The following SFTPD variants were observed in gnomAD, a reference collection of about 807,000 sequenced individuals.
SFTPD encodes surfactant protein D, also known as pulmonary surfactant-associated protein D.
SFTPD carries 18 observed loss-of-function variants against 34.6 expected under a neutral mutation model. That is an observed-to-expected ratio of 0.52 (90% CI 0.36 to 0.77). The LOEUF is 0.77. Ranked by LOEUF, SFTPD falls within the 30% of genes least tolerant of loss-of-function variation. SFTPD has a pLI of 0.00. For missense variants in SFTPD, 433 were observed against 468.9 expected, an observed-to-expected ratio of 0.92 and a Z score of 0.71; for synonymous variants, 155 against 180.9, an observed-to-expected ratio of 0.86 and a Z score of 1.15.
In SFTPD at chr10:79,982,152, G is replaced by A. The variant is rs528965823; in HGVS notation, c.36+423C>T. On this transcript the variant is annotated intron_variant, in intron 1 of 5. Coordinates refer to the SFTPD transcript ENST00000444384. ...TCCTGGCTCTCCGGGCGCGCCTGGC[G>A]GGGCAGGGCGGACATGGGCACCAAG... 7.3e-5 allele frequency: 28 copies of A among 382,154 alleles called. No homozygotes were observed. The Admixed American group carries it at 1.2e-3, about 16-fold the overall frequency. The allele number at this position is 382,154 out of a possible 1,614,324, so 23.7% of individuals were successfully genotyped here.
intron 1 of SFTPD, among the ~76,000 whole-genome samples, chr10:79,978,200 G>C (rs1842872855): frequency 6.6e-6 from 1 of 152,090 alleles, no homozygotes; most frequent in Non-Finnish European, 1.5e-5. Context: ...CTAACATAGG[G>C]GTGCAAGGAT....
chr10:79,980,128 C>T (rs1040115517), intron 1 of SFTPD, among the ~76,000 whole-genome samples: 5 of 152,134 alleles, frequency 3.3e-5, no homozygotes, highest in African/African-American at 1.2e-4. Flanking sequence ...GGTAACCAGG[C>T]AGTAAGTACC....
chr10:79,957,998 G>A (rs918898592), intron 1 of SFTPD, among the ~76,000 whole-genome samples: 3 of 152,102 alleles, frequency 2.0e-5, no homozygotes, highest in South Asian at 2.1e-4. Context: ...CCAATATTCA[G>A]CATTCTTAAA....
intron 1 of SFTPD, 58 bp from the exon 2 acceptor site, chr10:79,946,720 G>T: frequency 6.6e-7 from 1 of 1,510,028 alleles, no homozygotes; most frequent in East Asian, 2.3e-5. Flanking sequence ...CATGGTTTAG[G>T]GCTTGGCTCA....
chr10:79,958,532 CA>C (rs1842753310), intron 1 of SFTPD, among the ~76,000 whole-genome samples: 1 of 152,102 alleles, frequency 6.6e-6, no homozygotes, highest in South Asian at 2.1e-4. Context: ...CAACAAAGAT[CA>C]AAAGAGACAA....
chr10:79,974,031 G>C (rs1002014976), intron 1 of SFTPD, among the ~76,000 whole-genome samples: 1 of 150,166 alleles, frequency 6.7e-6, no homozygotes, highest in Non-Finnish European at 1.5e-5. Flanking sequence ...CAGACAGACA[G>C]ACACACACCC....
chr10:79,966,489 T>C (rs1842803824), intron 1 of SFTPD, among the ~76,000 whole-genome samples: 2 of 122,430 alleles, frequency 1.6e-5, no homozygotes, highest in Admixed American at 1.6e-4. Context: ...ATTAGCCCTT[T>C]GTCAGATGAG....
intron 1 of SFTPD, among the ~76,000 whole-genome samples, chr10:79,974,075 C>T (rs962337741): frequency 2.0e-5 from 3 of 152,194 alleles, no homozygotes; most frequent in African/African-American, 7.2e-5. Context: ...ACAGATTCCC[C>T]TTAAATAAGC....
chr10:79,975,142 A>T (rs1842857697), intron 1 of SFTPD, among the ~76,000 whole-genome samples: 1 of 152,152 alleles, frequency 6.6e-6, no homozygotes, highest in Admixed American at 6.6e-5. Flanking sequence ...TAGAACTAAG[A>T]GCAGTCGCTC....
chr10:79,938,819 G>A (rs1842583329), intron 7 of SFTPD, among the ~76,000 whole-genome samples: 1 of 152,194 alleles, frequency 6.6e-6, no homozygotes, highest in Non-Finnish European at 1.5e-5. Context: ...TCTCTGCTCT[G>A]GGTCTGGCCT....
intron 1 of SFTPD, among the ~76,000 whole-genome samples, chr10:79,961,152 G>A (rs1331973694): frequency 6.6e-6 from 1 of 152,014 alleles, no homozygotes; most frequent in African/African-American, 2.4e-5. Flanking sequence ...AATTCAAGAT[G>A]GATTAAAGAC....
upstream of SFTPD, among the ~76,000 whole-genome samples, chr10:79,953,050 G>T (rs540947560): frequency 6.6e-5 from 10 of 152,282 alleles, no homozygotes; most frequent in South Asian, 1.0e-3. Flanking sequence ...GCTTTTTCCT[G>T]TGGGTTCCCC....
In SFTPD at chr10:79,937,892, C is replaced by A. The variant is rs1842571720; in HGVS notation, c.1088G>T (p.Arg363Met). The A allele has an allele frequency of 1.9e-6, 3 of 1,575,340 alleles. No individual in the cohort carries two copies. The highest frequency in any genetic ancestry group is 2.3e-5 in the South Asian group (2 of 85,602). Residue 363 changes from arginine to methionine, a missense_variant, in exon 8 of 8, where the codon AGG (arginine) becomes ATG (methionine). Coordinates refer to ENST00000372292, the MANE Select transcript of SFTPD (RefSeq NM_003019.5). ...CACAAGACGCTTTTCTCCACAAGCCCTGTCATTCCACTTGCCATTGGTGAA... is the reference window on the plus strand; with the variant it reads ...CACAAGACGCTTTTCTCCACAAGCCATGTCATTCCACTTGCCATTGGTGAA... ...EIFTNGKWNDRACGEKRLVVC... is the reference protein window; with the variant it reads ...EIFTNGKWNDMACGEKRLVVC...
At chr10:79,980,281 C>A (rs1353445161) in intron 1 of SFTPD, among the ~76,000 whole-genome samples, 1 of 152,006 alleles carries the variant, frequency 6.6e-6, no homozygotes, top group African/African-American at 2.4e-5. Context: ...AACTTGGGTA[C>A]CAGCTCAGTC....
chr10:79,963,640 C>A (rs1389731943), intron 1 of SFTPD, among the ~76,000 whole-genome samples: 1 of 152,132 alleles, frequency 6.6e-6, no homozygotes, highest in Non-Finnish European at 1.5e-5. Context: ...ATTTTCACTT[C>A]TCTAAAACAA....
At chr10:79,970,215 G>A (rs977189952) in intron 1 of SFTPD, 3 of 151,962 alleles carry the variant, frequency 2.0e-5, no homozygotes, top group Non-Finnish European at 4.4e-5. Context: ...TGGGTTCTCT[G>A]TTCTGTTCTG....
intron 1 of SFTPD, among the ~76,000 whole-genome samples, chr10:79,979,641 G>T (rs181387448): frequency 6.6e-6 from 1 of 152,330 alleles, no homozygotes; most frequent in Admixed American, 6.5e-5. Context: ...CATTCCAGGG[G>T]TCAGAATCTG....
At chr10:79,946,921 C>T (rs142448575) in intron 1 of SFTPD, among the ~76,000 whole-genome samples, 5 of 152,316 alleles carry the variant, frequency 3.3e-5, no homozygotes, top group Non-Finnish European at 7.3e-5. Context: ...CTCATGTCTT[C>T]CCTTCTTGTG....
Position 79,946,553 on chromosome 10 carries a change from G to A in SFTPD, c.107C>T (p.Thr36Ile), listed in dbSNP as rs767752149. ...CTCCACTGAGCTACACATGACCAGGGTGCAAGCACTGGGCATTGTTCTGTG... is the reference window on the plus strand; with the variant it reads ...CTCCACTGAGCTACACATGACCAGGATGCAAGCACTGGGCATTGTTCTGTG... ...YSHRTMPSACTLVMCSSVESG... is the reference protein window; with the variant it reads ...YSHRTMPSACILVMCSSVESG... The change falls in exon 2 of 8, where the codon ACC becomes ATC. Residue 36 changes from threonine to isoleucine, a missense_variant. Physicochemically the swap from Thr to Ile is moderately conservative, Grantham distance 89. Transcript: ENST00000372292. 1.9e-6 allele frequency: 3 copies of A among 1,614,188 alleles called. No individual in the cohort carries two copies. In the South Asian group the frequency reaches 3.3e-5, roughly 18 times the overall value.
Sources: gnomAD v4.1 joint callset for allele counts (sites outside exome capture counted in the v4.1 genomes callset) on GRCh38, gnomAD v4.1.1 for gene constraint, MANE v1.5 for transcripts, NCBI Gene and HGNC (gene_info 2026-07-23, HGNC 2026-07-21) for gene names.